ACOT11: variants seen among roughly 807,000 people sequenced by gnomAD.
ACOT11 encodes acyl-CoA thioesterase 11, also known as acyl-coenzyme A thioesterase 11.
In ACOT11, 69 loss-of-function variants were observed where a neutral mutation model predicts 77.5. The observed-to-expected ratio is 0.89, with a 90% confidence interval of 0.73 to 1.09. ACOT11 has a LOEUF of 1.09. Among genes scored for constraint, ACOT11 ranks in the 50% least tolerant of loss-of-function variants. The probability of loss-of-function intolerance (pLI) is 0.00; values close to 1 mark genes in which losing one functional copy is unlikely to be tolerated. For synonymous variants in ACOT11, 279 were observed against 313.0 expected (o/e 0.89, Z 1.15); for missense variants, 766 against 813.7 (o/e 0.94, Z 0.71).
chr1:54,571,552 C>T (rs2100962531), intron 1 of ACOT11, among the ~76,000 whole-genome samples: 1 of 152,288 alleles, frequency 6.6e-6, no homozygotes, highest in Admixed American at 6.5e-5. Context: ...GATTTGGCAG[C>T]TTGGGCCTTA....
intron 12 of ACOT11, 34 bp from the exon 13 acceptor site, chr1:54,605,042 C>G (rs1407960903): frequency 6.3e-7 from 1 of 1,592,042 alleles, no homozygotes; most frequent in African/African-American, 1.3e-5. Context: ...CACTCCACCA[C>G]CCAGCAAATG....
chr1:54,610,284 C>G lies in ACOT11; in HGVS notation c.*1172C>G. The G allele has an allele frequency of 6.6e-7, 1 of 1,511,014 alleles. No homozygotes were observed. Among genetic ancestry groups the G allele is most frequent in the Non-Finnish European group, 8.8e-7 (1 of 1,134,856 alleles). 93.6% of individuals were successfully genotyped at this position (1,511,014 alleles called of 1,614,324 possible). On this transcript the variant is annotated 3_prime_UTR_variant, in exon 16 of 16. Coordinates refer to ENST00000343744, the MANE Select transcript of ACOT11 (RefSeq NM_147161.4). ...CTCCCTCCCCGCAACCCTGCCCCAC[C>G]TTGCATCCAGGGTATGGTGTAAATA... is the stretch of plus-strand genomic sequence containing the variant.
intron 1 of ACOT11, among the ~76,000 whole-genome samples, chr1:54,574,075 A>G (rs1483853131): frequency 6.6e-6 from 1 of 152,146 alleles, no homozygotes; most frequent in Non-Finnish European, 1.5e-5. Context: ...TGGCCACATT[A>G]ATTAAATATA....
At chr1:54,579,184 C>T (rs775017903) in intron 1 of ACOT11, among the ~76,000 whole-genome samples, 6 of 152,140 alleles carry the variant, frequency 3.9e-5, no homozygotes, top group South Asian at 2.1e-4. Flanking sequence ...GCTTTGAGGA[C>T]GTATGCTCCC....
downstream of ACOT11, chr1:54,611,158 G>A (rs1322596002): frequency 3.8e-6 from 2 of 531,146 alleles, no homozygotes; most frequent in East Asian, 2.9e-4. Context: ...GTGTGGGTCA[G>A]GCAGGTGGCT....
intron 1 of ACOT11, among the ~76,000 whole-genome samples, chr1:54,573,892 GA>G (rs1203998669): frequency 1.3e-5 from 2 of 152,036 alleles, no homozygotes. Flanking sequence ...AGCCGGGCGT[GA>G]TGGCGCATGC....
At chr1:54,563,617 T>C (rs1653631487) in intron 1 of ACOT11, among the ~76,000 whole-genome samples, 1 of 152,206 alleles carries the variant, frequency 6.6e-6, no homozygotes. Context: ...GTGTGTATTC[T>C]TTTACAGCCT....
intron 1 of ACOT11, among the ~76,000 whole-genome samples, chr1:54,567,413 G>C (rs1396719465): frequency 6.6e-6 from 1 of 151,632 alleles, no homozygotes; most frequent in Non-Finnish European, 1.5e-5. Flanking sequence ...GGAGTAGCTG[G>C]GATTATAGGC....
downstream of ACOT11, chr1:54,610,941 G>A: frequency 1.0e-6 from 1 of 985,410 alleles, no homozygotes; most frequent in Non-Finnish European, 1.2e-6. Context: ...TCTGATCACT[G>A]CTTAATGAAT....
chr1:54,604,465 T>C (rs369552793), intron 12 of ACOT11, 36 bp downstream of exon 12: 2 of 1,600,256 alleles, frequency 1.2e-6, no homozygotes, highest in Non-Finnish European at 1.7e-6. Flanking sequence ...TCCTTTCTCA[T>C]CTGAGCCAGA....
intron 15 of ACOT11, chr1:54,623,256 T>A (rs765974192): frequency 1.7e-5 from 27 of 1,558,238 alleles, no homozygotes; most frequent in Middle Eastern, 3.4e-4. Context: ...CCACTCAGGA[T>A]GACATGGGGG....
intron 1 of ACOT11, among the ~76,000 whole-genome samples, chr1:54,554,768 A>G (rs1370949370): frequency 6.6e-6 from 1 of 152,038 alleles, no homozygotes; most frequent in Non-Finnish European, 1.5e-5. Flanking sequence ...CAATATACTG[A>G]TTTCATTTCC....
chr1:54,570,977 TAAC>T (rs1183908591), intron 1 of ACOT11, among the ~76,000 whole-genome samples: 1 of 152,132 alleles, frequency 6.6e-6, no homozygotes, highest in Non-Finnish European at 1.5e-5. Context: ...CTTGGCTTTT[TAAC>T]AACATGAAGG....
At chr1:54,638,279 C>T (rs564191284) in exon 17 of ACOT11, 45 of 152,324 alleles carry the variant, frequency 3.0e-4, no homozygotes, top group East Asian at 2.1e-3. Context: ...TAAAATACCA[C>T]GCTAGGCTCC....
At chr1:54,590,398 G>C (rs936870194) in intron 3 of ACOT11, among the ~76,000 whole-genome samples, 3 of 152,180 alleles carry the variant, frequency 2.0e-5, no homozygotes, top group Non-Finnish European at 4.4e-5. Context: ...GCCCTGAGGA[G>C]GCTGGGCAGT....
chr1:54,571,253 C>A (rs994591842), intron 1 of ACOT11, among the ~76,000 whole-genome samples: 1 of 152,120 alleles, frequency 6.6e-6, no homozygotes, highest in South Asian at 2.1e-4. Context: ...TCTTTGCCAG[C>A]CCCCATGCCT....
chr1:54,613,980 T>C (rs1644144895), downstream of ACOT11, among the ~76,000 whole-genome samples: 1 of 152,176 alleles, frequency 6.6e-6, no homozygotes, highest in African/African-American at 2.4e-5. Flanking sequence ...AAAATAAAAG[T>C]AATACTACCT....
intron 9 of ACOT11, among the ~76,000 whole-genome samples, 184 bp downstream of exon 9, chr1:54,601,597 G>A (rs1245168519): frequency 1.3e-5 from 2 of 152,174 alleles, no homozygotes; most frequent in African/African-American, 2.4e-5. Flanking sequence ...TGTGCAGGGC[G>A]GGCTTGTTCT....
intron 3 of ACOT11, among the ~76,000 whole-genome samples, chr1:54,591,974 A>G (rs1654727711): frequency 6.6e-6 from 1 of 152,236 alleles, no homozygotes; most frequent in Non-Finnish European, 1.5e-5. Flanking sequence ...CTTTGTTTAT[A>G]GCATCTTGCC....
Sources: allele counts gnomAD v4.1 joint callset (sites outside exome capture counted in the v4.1 genomes callset), GRCh38; gene constraint gnomAD v4.1.1; transcripts MANE v1.5; gene names NCBI Gene and HGNC (gene_info 2026-07-23, HGNC 2026-07-21).